Variants in PPT1 observed in about 807,000 individuals in gnomAD.
The protein encoded by PPT1 is ceroid-palmitoyl-palmitoyl-protein thioesterase 1.
A neutral mutation model predicts 44.0 loss-of-function variants in PPT1; 24 were observed. The observed-to-expected ratio is 0.54, with a 90% CI of 0.39 to 0.77. The LOEUF is 0.77. Among genes scored for constraint, PPT1 ranks in the 30% least tolerant of loss-of-function variants. The pLI is 0.00. For synonymous variants in PPT1, 148 were observed against 140.2 expected, an observed-to-expected ratio of 1.06 and a Z score of -0.39; for missense variants, 341 against 378.8, an observed-to-expected ratio of 0.90 and a Z score of 0.83.
chr1:40,077,347 T>C (rs6681804), intron 7 of PPT1, among the ~76,000 whole-genome samples: 17,625 of 152,224 alleles, frequency 0.12, 1,192 homozygotes, highest in South Asian at 0.2. Context: ...TGGTTGTAAC[T>C]ACTCATTGCT....
At chr1:40,080,036 A>ATCTC (rs921171019) in intron 6 of PPT1, among the ~76,000 whole-genome samples, 2 of 152,170 alleles carry the variant, frequency 1.3e-5, no homozygotes, top group Non-Finnish European at 2.9e-5. Context: ...TGCCTACTGT[A>ATCTC]TCTCTCTTTT....
chr1:40,089,112 A>C (rs1649414273), intron 5 of PPT1, among the ~76,000 whole-genome samples: 1 of 151,844 alleles, frequency 6.6e-6, no homozygotes, highest in African/African-American at 2.4e-5. Flanking sequence ...ACATGGAGAA[A>C]CCCAGTCTCT....
At chr1:40,074,945 C>G (rs1648536096) in intron 8 of PPT1, among the ~76,000 whole-genome samples, 1 of 152,054 alleles carries the variant, frequency 6.6e-6, no homozygotes, top group Admixed American at 6.6e-5. Flanking sequence ...AGAACATTAG[C>G]TAGGTAACTT....
chr1:40,093,871 A>C (rs1327828176), intron 1 of PPT1: 1 of 573,792 alleles, frequency 1.7e-6, no homozygotes, highest in Non-Finnish European at 3.2e-6. Flanking sequence ...GCAACAGAAC[A>C]AGGCTCCATC....
rs1648875688 is a variant in PPT1 at position 40,080,502 on chromosome 1, A to G, written c.537-15T>C. On this transcript the variant is annotated splice_polypyrimidine_tract_variant and intron_variant, in intron 5 of 8. Transcript: ENST00000642050. ...CTTGCACGAGGCTGTAGGAAAAAAA[A>G]AGAATGAGGTGATCAAGCTACAGGT... The G allele has an allele frequency of 1.2e-6, 2 of 1,611,322 alleles. No individual in the cohort carries two copies. The highest frequency in any genetic ancestry group is 2.7e-5 in the African/African-American group (2 of 74,822).
chr1:40,075,639 A>C (rs948091252), intron 8 of PPT1, among the ~76,000 whole-genome samples: 1 of 152,066 alleles, frequency 6.6e-6, no homozygotes, highest in African/African-American at 2.4e-5. Context: ...CAGATGTAGT[A>C]CTTAGCATTT....
At chr1:40,090,292 C>T (rs1429487545) in intron 4 of PPT1, among the ~76,000 whole-genome samples, 8 of 152,142 alleles carry the variant, frequency 5.3e-5, no homozygotes, top group Non-Finnish European at 8.8e-5. Context: ...GCAGGGACTA[C>T]AGGTGTACAC....
intron 3 of PPT1, among the ~76,000 whole-genome samples, 176 bp downstream of exon 3, chr1:40,091,865 CAAAA>C (rs11308805): frequency 5.2e-5 from 5 of 96,920 alleles, no homozygotes; most frequent in Admixed American, 3.2e-4. Context: ...AATTCTGTCT[CAAAA>C]AAAAAAAAAA....
At chr1:40,094,822 C>T (rs1649759891) in intron 1 of PPT1, among the ~76,000 whole-genome samples, 1 of 152,214 alleles carries the variant, frequency 6.6e-6, no homozygotes, top group Non-Finnish European at 1.5e-5. Flanking sequence ...GTTCTCCACA[C>T]TGAGCTGTAA....
At chr1:40,081,681 T>C (rs540969895) in intron 5 of PPT1, among the ~76,000 whole-genome samples, 9 of 152,356 alleles carry the variant, frequency 5.9e-5, no homozygotes, top group South Asian at 2.1e-4. Flanking sequence ...CCCAGCCACA[T>C]GGAACTGTAA....
downstream of PPT1, chr1:40,072,252 G>GAAA (rs61352266): frequency 6.2e-4 from 100 of 160,680 alleles, no homozygotes; most frequent in African/African-American, 4.3e-3. Flanking sequence ...ACTTTAAAAG[G>GAAA]AAAAAAAAAA....
chr1:40,079,924 A>G (rs1295509076), intron 6 of PPT1, among the ~76,000 whole-genome samples: 1 of 152,192 alleles, frequency 6.6e-6, no homozygotes, highest in African/African-American at 2.4e-5. Context: ...AAACTGTTTC[A>G]AAACAAAAAA....
In PPT1 at chr1:40,081,112, C is replaced by G. The variant is rs544554100; in HGVS notation, c.537-625G>C. Among the ~76,000 whole-genome samples the G allele has an allele frequency of 3.9e-5, 6 of 152,296 alleles. No individual in the cohort carries two copies. The South Asian group carries it at 1.2e-3, about 32-fold the overall frequency. On this transcript the variant is annotated intron_variant, in intron 5 of 8. Coordinates refer to ENST00000642050, the MANE Select transcript of PPT1 (RefSeq NM_000310.4). ...GATATGGTTTGGCTGTGTCCTCACC[C>G]AAATCTCATCTTGAATTGTAACTCC...
Position 40,073,733 on chromosome 1 carries a change from A to G in PPT1, c.*328T>C, listed in dbSNP as rs779066568. ...GTTTGCCCTTAGAATCTATCTCACT[A>G]CTTTAGTTAGTTGTCTCCTTTGGGC... On this transcript the variant is annotated 3_prime_UTR_variant, in exon 9 of 9. Transcript: ENST00000642050. 5 of 323,428 alleles carry G rather than the reference A, an allele frequency of 1.5e-5. No homozygotes were observed. Among genetic ancestry groups the G allele is most frequent in the Non-Finnish European group, 2.4e-5 (4 of 168,666 alleles). The allele number at this position is 323,428 out of a possible 1,614,324, so 20.0% of individuals were successfully genotyped here.
chr1:40,096,636 A>G (rs2124493687), intron 1 of PPT1, among the ~76,000 whole-genome samples: 1 of 151,574 alleles, frequency 6.6e-6, no homozygotes, highest in South Asian at 2.1e-4. Context: ...TCTCTTGTAT[A>G]TATGCAAATA....
In PPT1 at chr1:40,091,309, A is replaced by C; in HGVS notation, c.433+20T>G. ...TGTGGGTTAGAATACAGAAAAAAGAAAGCAAAGAGGCAAAGTTACCTTGAT... is the reference window on the plus strand; with the variant it reads ...TGTGGGTTAGAATACAGAAAAAAGACAGCAAAGAGGCAAAGTTACCTTGAT... On this transcript the variant is annotated intron_variant, in intron 4 of 8. Transcript: ENST00000642050. The C allele has an allele frequency of 6.2e-7, 1 of 1,608,178 alleles. No homozygotes were observed. The highest frequency in any genetic ancestry group is 1.1e-5 in the South Asian group (1 of 90,940).
chr1:40,090,336 G>GTA (rs60593450), intron 4 of PPT1, among the ~76,000 whole-genome samples: 5,307 of 150,942 alleles, frequency 0.035, 330 homozygotes, highest in African/African-American at 0.12. Context: ...ATTTTATCGT[G>GTA]TATATATATA....
chr1:40,074,423 C>CCA (rs1283136525), intron 8 of PPT1, among the ~76,000 whole-genome samples: 26 of 102,902 alleles, frequency 2.5e-4, no homozygotes, highest in African/African-American at 1.2e-3. Context: ...CTCCTCCTGT[C>CCA]CCCCCCGCTT....
chr1:40,079,754 G>A (rs537149638), intron 6 of PPT1, among the ~76,000 whole-genome samples: 82 of 152,122 alleles, frequency 5.4e-4, no homozygotes, highest in Non-Finnish European at 1.1e-3. Flanking sequence ...ATGGCATACA[G>A]GTACAACTAT....
Sources: gnomAD v4.1 joint callset for allele counts (sites outside exome capture counted in the v4.1 genomes callset) on GRCh38, gnomAD v4.1.1 for gene constraint, MANE v1.5 for transcripts, NCBI Gene and HGNC (gene_info 2026-07-23, HGNC 2026-07-21) for gene names.